MAL2: variants seen among roughly 807,000 people sequenced by gnomAD.
The protein encoded by MAL2 is protein MAL2.
MAL2 carries 17 observed loss-of-function variants against 18.1 expected under a neutral mutation model. The ratio of observed to expected loss-of-function variants is 0.94; its 90% CI spans 0.64 to 1.41. The LOEUF is 1.41. MAL2 is among the 40% of genes most tolerant of loss of function. MAL2 has a pLI of 0.00. For missense variants in MAL2, 222 were observed against 231.9 expected, an observed-to-expected ratio of 0.96 and a Z score of 0.28; for synonymous variants, 102 against 102.3, an observed-to-expected ratio of 1.00 and a Z score of 0.02.
intron 1 of MAL2, among the ~76,000 whole-genome samples, chr8:119,216,144 G>A (rs1446857189): frequency 2.0e-5 from 3 of 151,952 alleles, no homozygotes; most frequent in Non-Finnish European, 4.4e-5. Flanking sequence ...CTGGGTGGGG[G>A]GGCCACATAC....
chr8:119,237,998 C>T (rs1817950241), intron 2 of MAL2, among the ~76,000 whole-genome samples: 1 of 152,204 alleles, frequency 6.6e-6, no homozygotes, highest in Non-Finnish European at 1.5e-5. Context: ...GTCATATTGT[C>T]CCTGTTTGCA....
At chr8:119,231,892 A>G (rs961279967) in intron 2 of MAL2, among the ~76,000 whole-genome samples, 2 of 151,350 alleles carry the variant, frequency 1.3e-5, no homozygotes, top group African/African-American at 4.9e-5. Context: ...AGAGAATAGA[A>G]TGGTGATTAC....
intron 2 of MAL2, among the ~76,000 whole-genome samples, chr8:119,232,013 A>T (rs1182067232): frequency 6.6e-6 from 1 of 152,176 alleles, no homozygotes; most frequent in East Asian, 1.9e-4. Flanking sequence ...ACTATAGTTA[A>T]TAACAGTGTA....
intron 1 of MAL2, among the ~76,000 whole-genome samples, chr8:119,212,650 A>C (rs1209291193): frequency 6.6e-6 from 1 of 152,238 alleles, no homozygotes; most frequent in Non-Finnish European, 1.5e-5. Flanking sequence ...TGGAGAGGTC[A>C]GAACAGGCAG....
intron 1 of MAL2, among the ~76,000 whole-genome samples, chr8:119,212,844 A>T (rs1817287188): frequency 6.6e-6 from 1 of 152,206 alleles, no homozygotes; most frequent in African/African-American, 2.4e-5. Context: ...AAGGAAAAAC[A>T]GCAGGTAGGA....
In MAL2 at chr8:119,243,565, T is replaced by C. The variant is rs1209372952; in HGVS notation, c.*77T>C. On this transcript the variant is annotated 3_prime_UTR_variant, in exon 4 of 4. Coordinates refer to ENST00000614891, the MANE Select transcript of MAL2 (RefSeq NM_052886.3). ...TGTCTGATCAATTTGGATACCATTT[T>C]GTCCAGATGCAAAAACATTCCAAAA... is the stretch of plus-strand genomic sequence containing the variant. 2 of 1,306,510 alleles carry C rather than the reference T, an allele frequency of 1.5e-6. No homozygotes were observed. Among genetic ancestry groups the C allele is most frequent in the African/African-American group, 3.0e-5 (2 of 66,436 alleles). 80.9% of individuals were successfully genotyped at this position (1,306,510 alleles called of 1,614,324 possible). A position where few individuals can be genotyped will look rare whatever the true frequency, so the allele number is the denominator to read the frequency against.
Position 119,241,255 on chromosome 8 carries a change from T to A in MAL2, c.459+935T>A, listed in dbSNP as rs565336240. On this transcript the variant is annotated intron_variant, in intron 3 of 3. Transcript: ENST00000614891. ...GTTGAAAATTAACTAGGCCAAGGAA[T>A]CATAGCTCATGCCTGTAATCCCAGC... Among the ~76,000 whole-genome samples, 3 of 152,240 alleles carry A rather than the reference T, an allele frequency of 2.0e-5. No homozygotes were observed. In the East Asian group the frequency reaches 5.8e-4, roughly 29 times the overall value.
intron 1 of MAL2, among the ~76,000 whole-genome samples, chr8:119,218,793 G>A (rs1817407350): frequency 6.6e-6 from 1 of 152,090 alleles, no homozygotes; most frequent in South Asian, 2.1e-4. Context: ...AACTCATTAT[G>A]TTTATCTATT....
At chr8:119,219,321 G>A (rs1817419206) in intron 1 of MAL2, among the ~76,000 whole-genome samples, 1 of 151,946 alleles carries the variant, frequency 6.6e-6, no homozygotes, top group African/African-American at 2.4e-5. Context: ...TATATGATTG[G>A]GCCTTTTCTT....
rs990049477 is a variant in MAL2, at chr8:119,208,452, CGCAGCA to C, written c.-18_-13del. The C allele has an allele frequency of 4.2e-6, 5 of 1,200,982 alleles. No homozygotes were observed. The African/African-American group carries it at 8.0e-5, about 19-fold the overall frequency. The allele number at this position is 1,200,982 out of a possible 1,614,324, so 74.4% of individuals were successfully genotyped here. ...GGGAGGCGGCGGCGGCGCGCGGAGA[CGCAGCA>C]GCGGCAGCGGCAGCATGTCGGCCGG... On this transcript the variant is annotated 5_prime_UTR_variant, in exon 1 of 4. Transcript: ENST00000614891. The surrounding 1 kb of genome is among the most constrained non-coding windows in gnomAD (Gnocchi z 4.3).
In MAL2 at chr8:119,208,365, G is replaced by T. The variant is rs1168574665; in HGVS notation, c.-108G>T. The stretch of plus-strand genomic sequence containing the variant: ...GGCCACGCCTCCTCCCGCGCGGCGC[G>T]CCCGGAGCCCGCGGAGCTGAGCGGC... On this transcript the variant is annotated 5_prime_UTR_variant, in exon 1 of 4. Transcript: ENST00000614891. This position sits in a 1 kb window ranked among gnomAD's most constrained non-coding sequence, Gnocchi z 4.3. The T allele has an allele frequency of 8.4e-5, 46 of 547,156 alleles. No homozygotes were observed. The highest frequency in any genetic ancestry group is 9.6e-5 in the Non-Finnish European group (41 of 428,844). The allele number at this position is 547,156 out of a possible 1,614,324, so 33.9% of individuals were successfully genotyped here.
intron 2 of MAL2, among the ~76,000 whole-genome samples, chr8:119,229,181 CA>C (rs1227011060): frequency 6.6e-6 from 1 of 152,148 alleles, no homozygotes; most frequent in East Asian, 1.9e-4. Context: ...GAAAGATCTC[CA>C]CATAGTATGC....
At chr8:119,227,176 ATGT>A (rs1263898788) in intron 2 of MAL2, among the ~76,000 whole-genome samples, 90 of 152,326 alleles carry the variant, frequency 5.9e-4, no homozygotes. Context: ...GCATTAATTA[ATGT>A]TATGTTAGTA....
chr8:119,235,185 G>A lies in MAL2; in HGVS notation c.304-4980G>A, dbSNP rs554509941. On this transcript the variant is annotated intron_variant, in intron 2 of 3. Coordinates refer to ENST00000614891, the MANE Select transcript of MAL2 (RefSeq NM_052886.3). ...ATGCAGAAGCCTCAGGAGCGAATGC[G>A]ATCAACTGGAAGAAAGGGTATCAGC... 5.1e-3 allele frequency among the ~76,000 whole-genome samples: 778 copies of A among 152,254 alleles called. 3 individuals carry two copies. The highest frequency in any genetic ancestry group is 0.018 in the African/African-American group (736 of 41,518).
intron 1 of MAL2, among the ~76,000 whole-genome samples, chr8:119,211,646 A>G (rs1817269539): frequency 6.6e-6 from 1 of 151,720 alleles, no homozygotes; most frequent in South Asian, 2.1e-4. Flanking sequence ...GAAAAGCATT[A>G]TAGCACTGGC....
At chr8:119,235,443 G>A (rs539083061) in intron 2 of MAL2, among the ~76,000 whole-genome samples, 1 of 152,074 alleles carries the variant, frequency 6.6e-6, no homozygotes, top group Admixed American at 6.5e-5. Context: ...AGGAAATACA[G>A]AGAATGCCAC....
intron 2 of MAL2, among the ~76,000 whole-genome samples, chr8:119,239,046 C>G (rs1817983574): frequency 2.6e-5 from 4 of 151,918 alleles, no homozygotes; most frequent in Admixed American, 2.6e-4. Context: ...GGTCTAATAT[C>G]CAGAATCTAC....
intron 2 of MAL2, among the ~76,000 whole-genome samples, chr8:119,229,487 A>G (rs937445986): frequency 6.6e-6 from 1 of 151,918 alleles, no homozygotes; most frequent in Non-Finnish European, 1.5e-5. Flanking sequence ...TAATTTTTGT[A>G]TTTTTAGTAG....
rs1818114737 is a variant in MAL2 at position 119,244,627 on chromosome 8, C to T, written c.*1139C>T. On this transcript the variant is annotated 3_prime_UTR_variant, in exon 4 of 4. Coordinates refer to ENST00000614891, the MANE Select transcript of MAL2 (RefSeq NM_052886.3). ...TAAGTTTTTACTTCTAATTATTTTG[C>T]ATTACTTTGAGTTAAATTTGAATAG... The T allele has an allele frequency of 6.6e-6, 1 of 152,076 alleles. No homozygotes were observed. The highest frequency in any genetic ancestry group is 2.4e-5 in the African/African-American group (1 of 41,410). 9.4% of individuals were successfully genotyped at this position (152,076 alleles called of 1,614,324 possible).
Sources: allele counts gnomAD v4.1 joint callset (sites outside exome capture counted in the v4.1 genomes callset), GRCh38; gene constraint gnomAD v4.1.1; non-coding constraint Gnocchi (gnomAD v3.1); transcripts MANE v1.5; gene names NCBI Gene and HGNC (gene_info 2026-07-23, HGNC 2026-07-21).